The following TCAF2 variants were observed in gnomAD, a reference collection of about 807,000 sequenced individuals.
The protein encoded by TCAF2 is TRPM8 channel-associated factor 2.
In TCAF2, 6 loss-of-function variants were observed where a neutral mutation model predicts 33.9. That is an observed-to-expected ratio of 0.18 (90% CI 0.10 to 0.35). TCAF2 has a LOEUF of 0.35. Among genes scored for constraint, TCAF2 ranks in the 10% least tolerant of loss-of-function variants. The pLI is 1.00. For missense variants in TCAF2, 109 were observed against 604.0 expected, an observed-to-expected ratio of 0.18 and a Z score of 8.59; for synonymous variants, 41 against 247.8, an observed-to-expected ratio of 0.17 and a Z score of 7.84.
intron 1 of TCAF2, among the ~76,000 whole-genome samples, chr7:143,647,886 G>GTCTT (rs1197990223): frequency 6.9e-6 from 1 of 145,038 alleles, no homozygotes; most frequent in Non-Finnish European, 1.5e-5. Context: ...GCAATGTTTA[G>GTCTT]TCTTTCTTTC....
At chr7:143,725,600 T>C (rs939940919) in intron 7 of TCAF2, among the ~76,000 whole-genome samples, 24 of 143,170 alleles carry the variant, frequency 1.7e-4, no homozygotes, top group African/African-American at 5.4e-4. Flanking sequence ...TTTTTGTGCC[T>C]TTCACTAATT....
In TCAF2 at chr7:143,729,236, T is replaced by A. The variant is rs1187976337; in HGVS notation, c.*1569T>A. On this transcript the variant is annotated 3_prime_UTR_variant, in exon 8 of 8. Coordinates refer to ENST00000684770, the MANE Select transcript of TCAF2 (RefSeq NM_001363538.2). ...ACTAGTATGATCCCCATTTCGTACA[T>A]GAGGAAACTGACACTAAGGGACATA... 6.6e-6 allele frequency: 1 copy of A among 152,118 alleles called. No homozygotes were observed. The highest frequency in any genetic ancestry group is 1.5e-5 in the Non-Finnish European group (1 of 68,032). 9.4% of individuals were successfully genotyped at this position (152,118 alleles called of 1,614,324 possible). A position where few individuals can be genotyped will look rare whatever the true frequency, so the allele number is the denominator to read the frequency against.
In TCAF2 at chr7:143,701,762, C is replaced by CTTTATTTTATTTTATTTTATTTTAT. The variant is rs796928755; in HGVS notation, c.-11-1178_-11-1154dup. Among the ~76,000 whole-genome samples, 111 of 97,380 alleles carry CTTTATTTTATTTTATTTTATTTTAT rather than the reference C, an allele frequency of 1.1e-3. 5 individuals carry two copies. The highest frequency in any genetic ancestry group is 3.9e-3 in the African/African-American group (90 of 23,074). 63.9% of individuals were successfully genotyped at this position (97,380 alleles called of 152,430 possible). Reference sequence around the variant, plus strand: ...ATATTCTTTGCTTTATTTTATTTTACTTTATTTTATTTTATTTTATTTTAT... The same window carrying CTTTATTTTATTTTATTTTATTTTAT: ...ATATTCTTTGCTTTATTTTATTTTACTTTATTTTATTTTATTTTATTTTATTTTATTTTATTTTATTTTATTTTAT... On this transcript the variant is annotated intron_variant, in intron 1 of 7. Coordinates refer to ENST00000684770, the MANE Select transcript of TCAF2 (RefSeq NM_001363538.2).
rs1809725891 is a variant in TCAF2, at chr7:143,728,168, C to T, written c.*501C>T. ...TGTGTTTCTGTCTTCACATCCATGA[C>T]ATGAGGATACAAATCTTTTCCTCAC... On this transcript the variant is annotated 3_prime_UTR_variant, in exon 8 of 8. Transcript: ENST00000684770. The T allele has an allele frequency of 5.4e-6, 1 of 186,906 alleles. No individual in the cohort carries two copies. Among genetic ancestry groups the T allele is most frequent in the South Asian group, 1.0e-4 (1 of 9,610 alleles). 11.6% of individuals were successfully genotyped at this position (186,906 alleles called of 1,614,324 possible). A position where few individuals can be genotyped will look rare whatever the true frequency, so the allele number is the denominator to read the frequency against.
At chr7:143,701,820 T>TA (rs990095372) in intron 1 of TCAF2, among the ~76,000 whole-genome samples, 3 of 121,272 alleles carry the variant, frequency 2.5e-5, no homozygotes, top group Non-Finnish European at 5.3e-5. Context: ...TATTTTATTT[T>TA]ATTTTATTTT....
rs1809784178 is a variant in TCAF2 at position 143,730,269 on chromosome 7, G to T, written c.*2602G>T. The T allele has an allele frequency of 6.6e-6, 1 of 152,128 alleles. No homozygotes were observed. The highest frequency in any genetic ancestry group is 2.4e-5 in the African/African-American group (1 of 41,424). The allele number at this position is 152,128 out of a possible 1,614,324, so 9.4% of individuals were successfully genotyped here. ...TTTCTCCACAGCCTCACCAACATCT[G>T]TTGTTTCCTGACTTTTTAATGATCG... On this transcript the variant is annotated 3_prime_UTR_variant, in exon 8 of 8. Coordinates refer to ENST00000684770, the MANE Select transcript of TCAF2 (RefSeq NM_001363538.2).
In TCAF2 at chr7:143,720,343, G is replaced by A. The variant is rs1437865119; in HGVS notation, c.1284G>A (p.Glu428=). 1.7e-6 allele frequency: 1 copy of A among 602,160 alleles called. No individual in the cohort carries two copies. The highest frequency in any genetic ancestry group is 2.9e-5 in the East Asian group (1 of 34,184). The allele number at this position is 602,160 out of a possible 1,614,324, so 37.3% of individuals were successfully genotyped here. A position where few individuals can be genotyped will look rare whatever the true frequency, so the allele number is the denominator to read the frequency against. ...AATTCCAGGCTATACTGAACCACGA[G>A]AATGGGAACTTGGAAAAGAGCTGTC... ...LSQFQAILNH[E]NGNLEKSCLA... is the part of the protein sequence containing the mutation. Residue 428 remains glutamate, a synonymous_variant, in exon 3 of 8, where the codon GAG becomes GAA. Coordinates refer to ENST00000684770, the MANE Select transcript of TCAF2 (RefSeq NM_001363538.2).
rs375681877 is a variant in TCAF2, at chr7:143,724,603, C to T, written c.2411C>T (p.Pro804Leu). The T allele has an allele frequency of 1.9e-6, 3 of 1,610,898 alleles. No individual in the cohort carries two copies. Among genetic ancestry groups the T allele is most frequent in the Non-Finnish European group, 2.5e-6 (3 of 1,179,580 alleles). Residue 804 changes from proline to leucine, a missense_variant, in exon 7 of 8, where the codon CCT (proline) becomes CTT (leucine). Pro to Leu is a moderately conservative substitution (Grantham distance 98). Transcript: ENST00000684770. ...GCTCAGGCCCACGAGGCTCTGAGCC[C>T]TCCAGAGCGAGAGAGGAGAATCAAG... ...PRAQAHEALS[P>L]PERERRIKAH...
intron 1 of TCAF2, among the ~76,000 whole-genome samples, chr7:143,633,365 T>TAGTAAA: frequency 8.5e-6 from 1 of 118,240 alleles, no homozygotes; most frequent in South Asian, 2.7e-4. Flanking sequence ...TGGCTTAGGT[T>TAGTAAA]TATGACTGTC....
Position 143,623,979 on chromosome 7 carries a change from C to T in TCAF2, c.-12+2959C>T, listed in dbSNP as rs1808795490. ...TCGTGGTTGTGTCCCATGAGGGCTA[C>T]CTGTCGCATGCTGGCTTGGCTTCAT... is the stretch of plus-strand genomic sequence containing the variant. On this transcript the variant is annotated intron_variant, in intron 1 of 7. Coordinates refer to ENST00000684770, the MANE Select transcript of TCAF2 (RefSeq NM_001363538.2). The T allele has an allele frequency of 3.5e-5, 17 of 486,448 alleles. 2 individuals carry two copies. The highest frequency in any genetic ancestry group is 4.6e-5 in the Non-Finnish European group (16 of 349,734). 30.1% of individuals were successfully genotyped at this position (486,448 alleles called of 1,614,324 possible).
chr7:143,623,985 G>C lies in TCAF2; in HGVS notation c.-12+2965G>C, dbSNP rs766829014. On this transcript the variant is annotated intron_variant, in intron 1 of 7. Transcript: ENST00000684770. ...TTGTGTCCCATGAGGGCTACCTGTC[G>C]CATGCTGGCTTGGCTTCATTTCTCC... 286 of 489,946 alleles carry C rather than the reference G, an allele frequency of 5.8e-4. 81 individuals carry two copies. In the African/African-American group the frequency reaches 7.2e-3, roughly 12 times the overall value. 30.3% of individuals were successfully genotyped at this position (489,946 alleles called of 1,614,324 possible).
intron 1 of TCAF2, among the ~76,000 whole-genome samples, chr7:143,647,841 G>A (rs2116486341): frequency 7.0e-6 from 1 of 142,834 alleles, no homozygotes; most frequent in East Asian, 2.5e-4. Flanking sequence ...TTTTTTCACT[G>A]TTTTTACAAC....
chr7:143,720,148 C>CTGGTG lies in TCAF2; in HGVS notation c.1090_1094dup (p.Trp365CysfsTer47), dbSNP rs1281874487. 1 of 1,531,010 alleles carries CTGGTG rather than the reference C, an allele frequency of 6.5e-7. No individual in the cohort carries two copies. The highest frequency in any genetic ancestry group is 8.9e-7 in the Non-Finnish European group (1 of 1,122,882). 94.8% of individuals were successfully genotyped at this position (1,531,010 alleles called of 1,614,324 possible). ...GGGGGCTGCTGATTGGGGGCCAGGCCTGGTGGTGGGCCTCCCAGAACCCTG... is the reference window on the plus strand; with the variant it reads ...GGGGGCTGCTGATTGGGGGCCAGGCCTGGTGTGGTGGTGGGCCTCCCAGAACCCTG... On this transcript the variant is annotated frameshift_variant, in exon 3 of 8. Transcript: ENST00000684770. LOFTEE classifies it high-confidence loss of function.
chr7:143,728,178 C>A lies in TCAF2; in HGVS notation c.*511C>A, dbSNP rs770522254. Reference sequence around the variant, plus strand: ...TCTTCACATCCATGACATGAGGATACAAATCTTTTCCTCACAAAGCTGTTG... The same window carrying A: ...TCTTCACATCCATGACATGAGGATAAAAATCTTTTCCTCACAAAGCTGTTG... On this transcript the variant is annotated 3_prime_UTR_variant, in exon 8 of 8. Transcript: ENST00000684770. The A allele has an allele frequency of 5.4e-6, 1 of 183,820 alleles. No individual in the cohort carries two copies. The highest frequency in any genetic ancestry group is 1.1e-5 in the Non-Finnish European group (1 of 87,016). 11.4% of individuals were successfully genotyped at this position (183,820 alleles called of 1,614,324 possible).
Position 143,724,674 on chromosome 7 carries a change from A to G in TCAF2, c.2482A>G (p.Thr828Ala). Reference sequence around the variant, plus strand: ...CCCCCTGTGTGACTGGAATGTATGGACAGCCCTGGAAACATATCTACAGGT... The same window carrying G: ...CCCCCTGTGTGACTGGAATGTATGGGCAGCCCTGGAAACATATCTACAGGT... ...GAPLCDWNVW[T>A]ALETYLQLQE... The change falls in exon 7 of 8, where the codon ACA becomes GCA. Residue 828 changes from threonine (T) to alanine (A), a missense_variant. Coordinates refer to ENST00000684770, the MANE Select transcript of TCAF2 (RefSeq NM_001363538.2). The G allele has an allele frequency of 6.2e-7, 1 of 1,607,032 alleles. No individual in the cohort carries two copies. The highest frequency in any genetic ancestry group is 8.5e-7 in the Non-Finnish European group (1 of 1,178,158).
rs555924180 is a variant in TCAF2 at position 143,728,066 on chromosome 7, T to C, written c.*399T>C. The C allele has an allele frequency of 5.5e-6, 1 of 181,458 alleles. No individual in the cohort carries two copies. The highest frequency in any genetic ancestry group is 1.2e-5 in the Non-Finnish European group (1 of 85,062). The allele number at this position is 181,458 out of a possible 1,614,324, so 11.2% of individuals were successfully genotyped here. ...TATTATGCTTTAACAAGTTTTCAAATAGCAAGCGAGACACGCTGGAATAGT... is the reference window on the plus strand; with the variant it reads ...TATTATGCTTTAACAAGTTTTCAAACAGCAAGCGAGACACGCTGGAATAGT... On this transcript the variant is annotated 3_prime_UTR_variant, in exon 8 of 8. Transcript: ENST00000684770.
In TCAF2 at chr7:143,622,583, TTTTA is replaced by T. The variant is rs888217362; in HGVS notation, c.-12+1567_-12+1570del. Among the ~76,000 whole-genome samples, 5 of 37,434 alleles carry T rather than the reference TTTTA, an allele frequency of 1.3e-4. 1 individual carries two copies. Among genetic ancestry groups the T allele is most frequent in the African/African-American group, 3.5e-4 (5 of 14,246 alleles). 24.6% of individuals were successfully genotyped at this position (37,434 alleles called of 152,430 possible). Reference sequence around the variant, plus strand: ...CTTTATTTTATTTTACTTTACTTTATTTTATTTTATTTTATTTTATTTTATTTTT... The same window carrying T: ...CTTTATTTTATTTTACTTTACTTTATTTTTATTTTATTTTATTTTATTTTT... On this transcript the variant is annotated intron_variant, in intron 1 of 7. Coordinates refer to ENST00000684770, the MANE Select transcript of TCAF2 (RefSeq NM_001363538.2).
intron 7 of TCAF2, among the ~76,000 whole-genome samples, chr7:143,725,863 C>T (rs1809667424): frequency 7.0e-6 from 1 of 142,474 alleles, no homozygotes; most frequent in Non-Finnish European, 1.5e-5. Context: ...AAACAGGCAC[C>T]TTCTGACTCC....
In TCAF2 at chr7:143,647,278, A is replaced by G. The variant is rs1809068500; in HGVS notation, c.-12+26258A>G. ...GTATGCCTTGCAGCAGTAGACACAC[A>G]AGTCGCTGTTCAGATGGGGCTCCAG... On this transcript the variant is annotated intron_variant, in intron 1 of 7. Transcript: ENST00000684770. 8 of 392,370 alleles carry G rather than the reference A, an allele frequency of 2.0e-5. 1 individual carries two copies. Among genetic ancestry groups the G allele is most frequent in the Admixed American group, 5.7e-5 (1 of 17,542 alleles). 24.3% of individuals were successfully genotyped at this position (392,370 alleles called of 1,614,324 possible).
Sources: gnomAD v4.1 joint callset for allele counts (sites outside exome capture counted in the v4.1 genomes callset) on GRCh38, gnomAD v4.1.1 for gene constraint, MANE v1.5 for transcripts, NCBI Gene and HGNC (gene_info 2026-07-23, HGNC 2026-07-21) for gene names.